Variants in GGTA1 observed in about 807,000 individuals in gnomAD.
GGTA1 encodes the protein glycoprotein alpha-galactosyltransferase 1 (inactive).
GGTA1 carries 5 observed loss-of-function variants against 2.6 expected under a neutral mutation model. The ratio of observed to expected loss-of-function variants is 1.92; its 90% confidence interval spans 1.00 to 4.04. GGTA1 has a LOEUF of 4.04. Among genes scored for constraint, GGTA1 ranks in the 30% most tolerant of loss-of-function variants. The pLI is 0.00. For synonymous variants in GGTA1, 17 were observed against 5.0 expected, an observed-to-expected ratio of 3.38 and a Z score of -3.19; for missense variants, 50 against 16.7, an observed-to-expected ratio of 2.99 and a Z score of -3.47.
intron 1 of GGTA1, among the ~76,000 whole-genome samples, chr9:121,486,647 A>C (rs1828761554): frequency 6.6e-6 from 1 of 152,266 alleles, no homozygotes; most frequent in South Asian, 2.1e-4. Flanking sequence ...TCTCAGTCCC[A>C]AGTCTCTCCC....
intron 5 of GGTA1, among the ~76,000 whole-genome samples, chr9:121,456,344 A>G (rs1024651723): frequency 1.3e-5 from 2 of 152,066 alleles, no homozygotes; most frequent in African/African-American, 4.8e-5. Context: ...TTCCTAGGTT[A>G]TTGGCAGCTT....
At chr9:121,498,808 G>A (rs1400492309) in intron 1 of GGTA1, among the ~76,000 whole-genome samples, 2 of 151,886 alleles carry the variant, frequency 1.3e-5, no homozygotes, top group Non-Finnish European at 2.9e-5. Flanking sequence ...CCTCCCGGCC[G>A]CCACAGCGGG....
chr9:121,449,997 C>T (rs778236523), intron 7 of GGTA1, among the ~76,000 whole-genome samples: 1 of 152,134 alleles, frequency 6.6e-6, no homozygotes, highest in African/African-American at 2.4e-5. Flanking sequence ...CTTGACCAAA[C>T]CCTAAACACA....
Position 121,457,911 on chromosome 9 carries a change from C to CTTTT in GGTA1, c.299-2074_299-2071dup, listed in dbSNP as rs530400416. 2.5e-3 allele frequency among the ~76,000 whole-genome samples: 340 copies of CTTTT among 135,320 alleles called. 5 individuals are homozygous for CTTTT. The highest frequency in any genetic ancestry group is 6.8e-3 in the African/African-American group (248 of 36,680). The allele number at this position is 135,320 out of a possible 152,430, so 88.8% of individuals were successfully genotyped here. On this transcript the variant is annotated intron_variant, in intron 5 of 5. Transcript: ENST00000481799. ...TTTAGGTAGTTTACAGAAAAGGATACTTTTTTTTTTTTTTTTGAGACAGAG... is the reference window on the plus strand; with the variant it reads ...TTTAGGTAGTTTACAGAAAAGGATACTTTTTTTTTTTTTTTTTTTTGAGACAGAG...
At chr9:121,468,916 G>A (rs1198882935) in intron 1 of GGTA1, among the ~76,000 whole-genome samples, 1 of 152,048 alleles carries the variant, frequency 6.6e-6, no homozygotes, top group African/African-American at 2.4e-5. Context: ...TGACTGTGAG[G>A]AGCCACCCCA....
At chr9:121,458,569 G>C (rs2064933005) in intron 5 of GGTA1, among the ~76,000 whole-genome samples, 1 of 151,824 alleles carries the variant, frequency 6.6e-6, no homozygotes, top group Non-Finnish European at 1.5e-5. Flanking sequence ...GGAGGCTACA[G>C]TGAGCCATGA....
chr9:121,466,711 G>A (rs574066816), intron 2 of GGTA1, among the ~76,000 whole-genome samples: 2 of 152,204 alleles, frequency 1.3e-5, no homozygotes, highest in East Asian at 3.9e-4. Context: ...CCAGCACTTT[G>A]GGAGGCCGAG....
chr9:121,478,938 C>A, intron 1 of GGTA1: 2 of 413,904 alleles, frequency 4.8e-6, no homozygotes, highest in South Asian at 3.5e-5. Context: ...ATAACTTCAC[C>A]CTGAGCCCCA....
chr9:121,447,996 G>A (rs1258780344), intron 7 of GGTA1, among the ~76,000 whole-genome samples: 1 of 152,184 alleles, frequency 6.6e-6, no homozygotes, highest in Non-Finnish European at 1.5e-5. Flanking sequence ...TTTACAGGAA[G>A]CTTAGTACAG....
chr9:121,498,451 C>A (rs1458929311), intron 1 of GGTA1, among the ~76,000 whole-genome samples: 1 of 152,250 alleles, frequency 6.6e-6, no homozygotes, highest in Non-Finnish European at 1.5e-5. Context: ...ATAACCCTGT[C>A]CTCCACACCC....
At chr9:121,488,124 C>T (rs1828799002) in intron 1 of GGTA1, among the ~76,000 whole-genome samples, 1 of 47,556 alleles carries the variant, frequency 2.1e-5, no homozygotes, top group Non-Finnish European at 5.4e-5. Context: ...TGTGTGCGTG[C>T]ATGTGTGTGT....
intron 1 of GGTA1, among the ~76,000 whole-genome samples, chr9:121,493,044 G>A (rs1230527957): frequency 6.6e-6 from 1 of 151,708 alleles, no homozygotes; most frequent in East Asian, 2.0e-4. Flanking sequence ...TGAGATAGGA[G>A]AATCGCTTGA....
At chr9:121,464,978 CG>C (rs2064992176) in intron 2 of GGTA1, among the ~76,000 whole-genome samples, 1 of 140,306 alleles carries the variant, frequency 7.1e-6, no homozygotes, top group South Asian at 2.2e-4. Flanking sequence ...GTGGCCAATT[CG>C]TAAAGTGGCA....
chr9:121,494,922 CT>C (rs66772492), intron 1 of GGTA1: 9,289 of 113,816 alleles, frequency 0.082, 145 homozygotes, highest in African/African-American at 0.092. Context: ...CTACATCATT[CT>C]TTTTTTTTTT....
intron 5 of GGTA1, among the ~76,000 whole-genome samples, chr9:121,457,860 T>C (rs932381244): frequency 6.6e-6 from 1 of 150,954 alleles, no homozygotes; most frequent in Non-Finnish European, 1.5e-5. Flanking sequence ...GACCTTGATA[T>C]GGAAATATGC....
downstream of GGTA1, among the ~76,000 whole-genome samples, chr9:121,453,824 G>A (rs2064891312): frequency 6.6e-6 from 1 of 152,192 alleles, no homozygotes; most frequent in Non-Finnish European, 1.5e-5. Context: ...CAGCGAGGCT[G>A]ATAGTACAGC....
intron 1 of GGTA1, among the ~76,000 whole-genome samples, chr9:121,471,588 G>T (rs1246185950): frequency 1.3e-5 from 2 of 152,140 alleles, no homozygotes; most frequent in Non-Finnish European, 2.9e-5. Context: ...GGGATCTTCA[G>T]AAAGTGAGCT....
downstream of GGTA1, among the ~76,000 whole-genome samples, chr9:121,451,420 C>T (rs1201341105): frequency 2.0e-5 from 3 of 152,156 alleles, no homozygotes; most frequent in Non-Finnish European, 4.4e-5. Flanking sequence ...CTCCTGACCT[C>T]GTGATCCACC....
In GGTA1 at chr9:121,493,413, G is replaced by A. The variant is rs1020687125; in HGVS notation, c.-10+6237C>T. Among the ~76,000 whole-genome samples the A allele has an allele frequency of 3.8e-4, 57 of 151,944 alleles. No homozygotes were observed. The Middle Eastern group carries it at 0.01, about 27-fold the overall frequency. On this transcript the variant is annotated intron_variant, in intron 1 of 5. Coordinates refer to ENST00000481799, the MANE Select transcript of GGTA1 (RefSeq NM_001382585.1). ...TGCTACTTAATTTTTGAGGTTTTTCGCCCAAGACATTAAAACTCTAAGCCT... is the reference window on the plus strand; with the variant it reads ...TGCTACTTAATTTTTGAGGTTTTTCACCCAAGACATTAAAACTCTAAGCCT...
Sources: allele counts gnomAD v4.1 joint callset (sites outside exome capture counted in the v4.1 genomes callset), GRCh38; gene constraint gnomAD v4.1.1; transcripts MANE v1.5; gene names NCBI Gene and HGNC (gene_info 2026-07-23, HGNC 2026-07-21).